METAP1D: variants seen among roughly 807,000 people sequenced by gnomAD.
The protein encoded by METAP1D is methionyl aminopeptidase type 1D, mitochondrial.
METAP1D carries 31 observed loss-of-function variants against 40.5 expected under a neutral mutation model. That is an observed-to-expected ratio of 0.77 (90% CI 0.58 to 1.03). The LOEUF is 1.03. Ranked by LOEUF, METAP1D falls within the 50% of genes least tolerant of loss-of-function variation. METAP1D has a pLI of 0.00. For synonymous variants in METAP1D, 151 were observed against 146.4 expected (o/e 1.03, Z -0.22); for missense variants, 411 against 420.7 (o/e 0.98, Z 0.20).
At position 172,065,585 on chromosome 2, in the gene METAP1D, T is replaced by G. The variant is rs1559018363; in HGVS notation, c.349-19T>G. 1 of 1,611,666 alleles carries G rather than the reference T, an allele frequency of 6.2e-7. No homozygotes were observed. The highest frequency in any genetic ancestry group is 8.5e-7 in the Non-Finnish European group (1 of 1,179,012). ...TGTCTTCAATTGTTGCTGCACAATT[T>G]CTTTATTTAACATTTTAGGTTGACA... On this transcript the variant is annotated intron_variant, in intron 3 of 9. Transcript: ENST00000315796.
intron 1 of METAP1D, among the ~76,000 whole-genome samples, chr2:172,005,043 C>G (rs1334973648): frequency 6.6e-6 from 1 of 152,062 alleles, no homozygotes; most frequent in Non-Finnish European, 1.5e-5. Context: ...CCACCTCAAC[C>G]TCCTGAGTGG....
At chr2:172,027,010 A>G (rs970468784) in intron 1 of METAP1D, among the ~76,000 whole-genome samples, 1 of 152,216 alleles carries the variant, frequency 6.6e-6, no homozygotes, top group Admixed American at 6.5e-5. Flanking sequence ...GGGCAACATA[A>G]AGGGGTCTAG....
intron 1 of METAP1D, among the ~76,000 whole-genome samples, chr2:172,045,149 T>A (rs928397095): frequency 2.2e-5 from 3 of 134,618 alleles, no homozygotes; most frequent in African/African-American, 5.0e-5. Context: ...TTTGCAAATA[T>A]GTTAAAGTTT....
chr2:172,053,835 G>C (rs1160464768), intron 1 of METAP1D, among the ~76,000 whole-genome samples: 1 of 152,174 alleles, frequency 6.6e-6, no homozygotes, highest in Non-Finnish European at 1.5e-5. Flanking sequence ...ACTGAGGATT[G>C]ATGGCACACT....
At position 172,042,070 on chromosome 2, in the gene METAP1D, G is replaced by A. The variant is rs1484765761; in HGVS notation, c.41-19428G>A. Among the ~76,000 whole-genome samples, 21 of 122,970 alleles carry A rather than the reference G, an allele frequency of 1.7e-4. 4 individuals are homozygous for A. Among genetic ancestry groups the A allele is most frequent in the Admixed American group, 1.2e-3 (15 of 12,170 alleles). 80.7% of individuals were successfully genotyped at this position (122,970 alleles called of 152,430 possible). A position where few individuals can be genotyped will look rare whatever the true frequency, so the allele number is the denominator to read the frequency against. On this transcript the variant is annotated intron_variant, in intron 1 of 9. Transcript: ENST00000315796. The stretch of plus-strand genomic sequence containing the variant: ...CCTGCCTCGGCCTTCCAAAGTGCTG[G>A]GATTACAGGCATAAGCCACTGTGCC...
intron 8 of METAP1D, among the ~76,000 whole-genome samples, 182 bp from the exon 9 acceptor site, chr2:172,079,946 T>C (rs766621698): frequency 6.6e-6 from 1 of 152,328 alleles, no homozygotes; most frequent in Non-Finnish European, 1.5e-5. Context: ...TCCAACTGTT[T>C]AGTTTGTAGT....
At chr2:172,062,864 A>G (rs920055516) in intron 2 of METAP1D, among the ~76,000 whole-genome samples, 2 of 152,246 alleles carry the variant, frequency 1.3e-5, no homozygotes, top group African/African-American at 4.8e-5. Context: ...TATCTCCCTC[A>G]GCTTCCTGTC....
intron 1 of METAP1D, among the ~76,000 whole-genome samples, chr2:172,013,948 G>A (rs1688789954): frequency 6.6e-6 from 1 of 150,808 alleles, no homozygotes; most frequent in East Asian, 2.0e-4. Context: ...AGCTTCCCGA[G>A]TAGCTGGGAC....
chr2:172,046,413 G>A (rs1689766857), intron 1 of METAP1D, among the ~76,000 whole-genome samples: 1 of 152,094 alleles, frequency 6.6e-6, no homozygotes, highest in African/African-American at 2.4e-5. Context: ...GGGAGGCAGT[G>A]AACTACAAAA....
intron 1 of METAP1D, among the ~76,000 whole-genome samples, chr2:172,059,860 C>A (rs1383788061): frequency 2.0e-5 from 3 of 152,114 alleles, no homozygotes; most frequent in Non-Finnish European, 4.4e-5. Flanking sequence ...ACCAGCATGG[C>A]CAACATGGTG....
chr2:172,040,394 C>T (rs1321160858), intron 1 of METAP1D, among the ~76,000 whole-genome samples: 1 of 152,096 alleles, frequency 6.6e-6, no homozygotes, highest in African/African-American at 2.4e-5. Context: ...TTTTTTCTGT[C>T]AACTATATGG....
intron 3 of METAP1D, among the ~76,000 whole-genome samples, chr2:172,065,242 T>C (rs1376416186): frequency 6.6e-6 from 1 of 152,226 alleles, no homozygotes; most frequent in Non-Finnish European, 1.5e-5. Flanking sequence ...TCACATGCGC[T>C]GGGTAGCCCA....
At chr2:172,006,252 C>T (rs1214403002) in intron 1 of METAP1D, among the ~76,000 whole-genome samples, 3 of 151,204 alleles carry the variant, frequency 2.0e-5, no homozygotes, top group Admixed American at 6.6e-5. Flanking sequence ...GGCGGGATCT[C>T]GGCTCACTGC....
chr2:172,040,917 G>T (rs1213281625), intron 1 of METAP1D, among the ~76,000 whole-genome samples: 1 of 151,394 alleles, frequency 6.6e-6, no homozygotes, highest in Non-Finnish European at 1.5e-5. Flanking sequence ...CGGCTAACTT[G>T]TGTATTTTTA....
intron 1 of METAP1D, among the ~76,000 whole-genome samples, chr2:172,030,347 C>T (rs925835815): frequency 1.1e-4 from 16 of 152,096 alleles, no homozygotes; most frequent in African/African-American, 3.6e-4. Flanking sequence ...CCACCTCGGC[C>T]TCCCAAAATA....
intron 1 of METAP1D, among the ~76,000 whole-genome samples, chr2:172,004,941 T>TTC (rs372271940): frequency 1.3e-5 from 2 of 151,978 alleles, no homozygotes; most frequent in Admixed American, 1.3e-4. Context: ...CTTTTTTTTT[T>TTC]CTTTTTTCAG....
At chr2:172,042,158 C>T (rs199956496) in intron 1 of METAP1D, among the ~76,000 whole-genome samples, 28,101 of 62,222 alleles carry the variant, frequency 0.45, 10,867 homozygotes, top group African/African-American at 0.48. Flanking sequence ...TGTATGTGTA[C>T]ATGTGTACAC....
intron 1 of METAP1D, among the ~76,000 whole-genome samples, chr2:172,018,776 C>T (rs1198318074): frequency 6.6e-6 from 1 of 150,786 alleles, no homozygotes; most frequent in Non-Finnish European, 1.5e-5. Flanking sequence ...CGGGCTATTA[C>T]CTTTCTGCCC....
At chr2:172,032,028 G>C (rs1689253025) in intron 1 of METAP1D, among the ~76,000 whole-genome samples, 1 of 152,220 alleles carries the variant, frequency 6.6e-6, no homozygotes, top group Non-Finnish European at 1.5e-5. Context: ...GCTAAATGCT[G>C]CCAGATGTAG....
Sources: allele counts gnomAD v4.1 joint callset (sites outside exome capture counted in the v4.1 genomes callset), GRCh38; gene constraint gnomAD v4.1.1; transcripts MANE v1.5; gene names NCBI Gene and HGNC (gene_info 2026-07-23, HGNC 2026-07-21).